The following RANBP9 variants were observed in gnomAD, a reference collection of about 807,000 sequenced individuals.
RANBP9 encodes the protein ran-binding protein 9.
In RANBP9, 15 loss-of-function variants were observed where a neutral mutation model predicts 84.3. The observed-to-expected ratio is 0.18, with a 90% CI of 0.12 to 0.27. RANBP9 has a LOEUF of 0.27. Among genes scored for constraint, RANBP9 ranks in the 10% least tolerant of loss-of-function variants. The pLI, the probability that RANBP9 is intolerant of heterozygous loss-of-function variation, is 1.00. For missense variants in RANBP9, 809 were observed against 912.8 expected, an observed-to-expected ratio of 0.89 and a Z score of 1.46; for synonymous variants, 392 against 349.6, an observed-to-expected ratio of 1.12 and a Z score of -1.35.
At chr6:13,628,525 T>TA (rs1764688434) in intron 12 of RANBP9, among the ~76,000 whole-genome samples, 1 of 152,166 alleles carries the variant, frequency 6.6e-6, no homozygotes, top group African/African-American at 2.4e-5. Context: ...AGGAAACCAA[T>TA]ATGGATTAGA....
intron 13 of RANBP9, among the ~76,000 whole-genome samples, chr6:13,624,050 TACTA>T (rs756927738): frequency 6.6e-6 from 1 of 152,190 alleles, no homozygotes; most frequent in Non-Finnish European, 1.5e-5. Context: ...CCAGCATTAT[TACTA>T]AGTTACTTTT....
At chr6:13,706,984 C>T (rs954987758) in intron 1 of RANBP9, among the ~76,000 whole-genome samples, 4 of 140,048 alleles carry the variant, frequency 2.9e-5, no homozygotes, top group African/African-American at 8.2e-5. Context: ...CCAGCCTGGA[C>T]GATAGAGCAA....
At chr6:13,662,223 T>C (rs536600224) in intron 2 of RANBP9, among the ~76,000 whole-genome samples, 2 of 152,246 alleles carry the variant, frequency 1.3e-5, no homozygotes, top group African/African-American at 4.8e-5. Flanking sequence ...CCATACATAA[T>C]GTGCTAGAAC....
intron 2 of RANBP9, among the ~76,000 whole-genome samples, chr6:13,659,091 C>T (rs1330884615): frequency 6.6e-6 from 1 of 152,080 alleles, no homozygotes; most frequent in Non-Finnish European, 1.5e-5. Flanking sequence ...ATGCACTCTA[C>T]TGACACCTAT....
At chr6:13,678,249 T>TA (rs1270215467) in intron 2 of RANBP9, among the ~76,000 whole-genome samples, 1 of 152,130 alleles carries the variant, frequency 6.6e-6, no homozygotes, top group African/African-American at 2.4e-5. Flanking sequence ...TAAAAAATAA[T>TA]AAAGAACCAA....
intron 9 of RANBP9, among the ~76,000 whole-genome samples, chr6:13,638,629 G>A (rs1764993133): frequency 3.3e-5 from 5 of 152,100 alleles, no homozygotes; most frequent in Admixed American, 2.6e-4. Context: ...CCAGGAGTTT[G>A]AGACCAGCAT....
chr6:13,680,178 A>C (rs535688401), intron 2 of RANBP9, among the ~76,000 whole-genome samples: 203 of 152,316 alleles, frequency 1.3e-3, no homozygotes, highest in African/African-American at 4.3e-3. Context: ...TAGTCAAAGA[A>C]GACCCAACAT....
chr6:13,710,950 G>T lies in RANBP9; in HGVS notation c.556C>A (p.Arg186=), dbSNP rs758241924. Reference sequence around the variant, plus strand: ...CGCCCAGTACCTTTGTAGTGCACCCGCAGGTTGTTCTGAGAGAGGCCGATG... The same window carrying T: ...CGCCCAGTACCTTTGTAGTGCACCCTCAGGTTGTTCTGAGAGAGGCCGATG... ...SYIGLSQNNL[R]VHYKGHGKTP... Residue 186 remains arginine (R), a synonymous_variant, in exon 1 of 14, where the codon CGG becomes AGG. Coordinates refer to ENST00000011619, the MANE Select transcript of RANBP9 (RefSeq NM_005493.3). 6.2e-7 allele frequency: 1 copy of T among 1,608,420 alleles called. No individual in the cohort carries two copies.
chr6:13,683,686 A>T (rs1766098135), intron 2 of RANBP9, among the ~76,000 whole-genome samples: 1 of 150,624 alleles, frequency 6.6e-6, no homozygotes, highest in East Asian at 1.9e-4. Flanking sequence ...AAAATATGTT[A>T]TTTTTTTTCT....
chr6:13,706,905 G>A (rs147380914), intron 1 of RANBP9, among the ~76,000 whole-genome samples: 1 of 150,922 alleles, frequency 6.6e-6, no homozygotes, highest in South Asian at 2.1e-4. Flanking sequence ...AGCTACTCAG[G>A]AGGCTGAGGC....
chr6:13,645,353 GA>G (rs1185042068), intron 5 of RANBP9, among the ~76,000 whole-genome samples: 1 of 151,850 alleles, frequency 6.6e-6, no homozygotes, highest in African/African-American at 2.4e-5. Context: ...TTCAAGGGAG[GA>G]AAAGGATGAA....
rs886806947 is a variant in RANBP9 at position 13,673,825 on chromosome 6, T to A, written c.684-14993A>T. ...GACAATGGGCTAGGCACGTAGCTCA[T>A]GCCTGTAATCCCTTCAGAAGGCCGA... On this transcript the variant is annotated intron_variant, in intron 2 of 13. Coordinates refer to ENST00000011619, the MANE Select transcript of RANBP9 (RefSeq NM_005493.3). Among the ~76,000 whole-genome samples the A allele has an allele frequency of 2.0e-5, 3 of 152,266 alleles. No homozygotes were observed. The South Asian group carries it at 6.2e-4, about 32-fold the overall frequency.
chr6:13,670,545 C>T (rs1765752089), intron 2 of RANBP9, among the ~76,000 whole-genome samples: 2 of 152,024 alleles, frequency 1.3e-5, no homozygotes, highest in African/African-American at 4.8e-5. Context: ...GCCTGTAATC[C>T]CAGCACTTTG....
intron 1 of RANBP9, among the ~76,000 whole-genome samples, chr6:13,700,649 A>AT (rs1240137202): frequency 6.6e-6 from 1 of 152,176 alleles, no homozygotes; most frequent in Non-Finnish European, 1.5e-5. Flanking sequence ...ACGTTTAATT[A>AT]TTTTTTCCCT....
At chr6:13,632,562 T>C in intron 11 of RANBP9, 41 bp from the exon 12 acceptor site, 1 of 1,550,636 alleles carries the variant, frequency 6.4e-7, no homozygotes, top group Middle Eastern at 1.7e-4. Flanking sequence ...CCTTATGGAA[T>C]GGAGTATAAT....
chr6:13,701,805 G>A (rs1346978591), intron 1 of RANBP9, among the ~76,000 whole-genome samples: 2 of 151,634 alleles, frequency 1.3e-5, no homozygotes, highest in African/African-American at 4.8e-5. Context: ...AAAACGAGAG[G>A]CCATTAGCTA....
chr6:13,664,764 TTTAAA>T (rs933532533), intron 2 of RANBP9, among the ~76,000 whole-genome samples: 29 of 152,220 alleles, frequency 1.9e-4, no homozygotes, highest in African/African-American at 7.0e-4. Flanking sequence ...CTATAAAAAA[TTTAAA>T]TTAAATAAGT....
chr6:13,691,456 A>G (rs554942489), intron 2 of RANBP9, among the ~76,000 whole-genome samples: 69 of 152,332 alleles, frequency 4.5e-4, no homozygotes, highest in African/African-American at 1.6e-3. Flanking sequence ...GGGTAAACCT[A>G]GAAATAACGT....
Position 13,622,329 on chromosome 6 carries a change from C to CACAA in RANBP9, c.*29_*32dup. ...GTCTACTTCCATGTTGACTATATGCCACAATATAAGTGTGAGCTCTTGAAA... is the reference window on the plus strand; with the variant it reads ...GTCTACTTCCATGTTGACTATATGCCACAAACAATATAAGTGTGAGCTCTTGAAA... On this transcript the variant is annotated 3_prime_UTR_variant, in exon 14 of 14. Coordinates refer to ENST00000011619, the MANE Select transcript of RANBP9 (RefSeq NM_005493.3). 1 of 1,468,514 alleles carries CACAA rather than the reference C, an allele frequency of 6.8e-7. No individual in the cohort carries two copies. Among genetic ancestry groups the CACAA allele is most frequent in the Admixed American group, 2.4e-5 (1 of 41,486 alleles). 91.0% of individuals were successfully genotyped at this position (1,468,514 alleles called of 1,614,324 possible). A position where few individuals can be genotyped will look rare whatever the true frequency, so the allele number is the denominator to read the frequency against.
Sources: allele counts gnomAD v4.1 joint callset (sites outside exome capture counted in the v4.1 genomes callset), GRCh38; gene constraint gnomAD v4.1.1; transcripts MANE v1.5; gene names NCBI Gene and HGNC (gene_info 2026-07-23, HGNC 2026-07-21).